The following FHIT variants were observed in gnomAD, a reference collection of about 807,000 sequenced individuals.
The protein encoded by FHIT is fragile histidine triad diadenosine triphosphatase, also known as bis(5'-adenosyl)-triphosphatase.
A neutral mutation model predicts 17.9 loss-of-function variants in FHIT; 19 were observed. The observed-to-expected ratio is 1.06, with a 90% CI of 0.74 to 1.56. The LOEUF (loss-of-function observed/expected upper bound fraction) is 1.56, where lower values mean the gene tolerates loss of function less well. FHIT is among the 40% of genes most tolerant of loss of function. The pLI is 0.00. For synonymous variants in FHIT, 81 were observed against 69.7 expected (o/e 1.16, Z -0.81); for missense variants, 248 against 189.2 (o/e 1.31, Z -1.82).
chr3:60,413,725 T>G (rs1702147762), intron 5 of FHIT, among the ~76,000 whole-genome samples: 1 of 152,034 alleles, frequency 6.6e-6, no homozygotes, highest in Non-Finnish European at 1.5e-5. Context: ...AAATTAGCTG[T>G]GAAACTGGTA....
At chr3:60,748,944 T>C (rs920171985) in intron 4 of FHIT, among the ~76,000 whole-genome samples, 5 of 152,260 alleles carry the variant, frequency 3.3e-5, no homozygotes, top group Middle Eastern at 3.2e-3. Context: ...TCAGCACAGA[T>C]GCAATTTTCT....
chr3:60,392,237 A>T (rs892066826), intron 5 of FHIT, among the ~76,000 whole-genome samples: 1 of 152,192 alleles, frequency 6.6e-6, no homozygotes, highest in African/African-American at 2.4e-5. Flanking sequence ...GAATAACATG[A>T]ATTCTGCTAA....
Position 61,239,109 on chromosome 3 carries a change from GA to G in FHIT, c.-213+12191del, listed in dbSNP as rs563030672. ...ACTCATGTTCTGGCCAAAGGGAGGG[GA>G]AAAAAAAAGTCTAGAAGTAGTGGAG... is the stretch of plus-strand genomic sequence containing the variant. On this transcript the variant is annotated intron_variant, in intron 1 of 9. Coordinates refer to ENST00000492590, the MANE Select transcript of FHIT (RefSeq NM_002012.4). Among the ~76,000 whole-genome samples the G allele has an allele frequency of 3.2e-4, 48 of 150,694 alleles. No individual in the cohort carries two copies. In the South Asian group the frequency reaches 3.8e-3, roughly 12 times the overall value.
chr3:60,823,430 C>A (rs1454332576), intron 3 of FHIT, among the ~76,000 whole-genome samples: 1 of 152,116 alleles, frequency 6.6e-6, no homozygotes, highest in African/African-American at 2.4e-5. Flanking sequence ...TACTGGAGAT[C>A]GGTGGGCAGG....
At chr3:60,628,304 T>G (rs1553681553) in intron 4 of FHIT, among the ~76,000 whole-genome samples, 1 of 152,226 alleles carries the variant, frequency 6.6e-6, no homozygotes, top group East Asian at 1.9e-4. Flanking sequence ...AGCTAGAGAA[T>G]ATACTTTATA....
At chr3:60,390,707 G>C (rs10470623) in intron 5 of FHIT, among the ~76,000 whole-genome samples, 6,313 of 151,552 alleles carry the variant, frequency 0.042, 283 homozygotes, top group African/African-American at 0.11. Flanking sequence ...TTGTGTCTTA[G>C]TCTATAACAA....
chr3:61,102,733 C>T (rs544422585), intron 2 of FHIT, among the ~76,000 whole-genome samples: 1 of 152,124 alleles, frequency 6.6e-6, no homozygotes, highest in Non-Finnish European at 1.5e-5. Context: ...ATTTCAGAGC[C>T]TGTTATTGGT....
At position 60,701,226 on chromosome 3, in the gene FHIT, T is replaced by TCAGG. The variant is rs1228704449; in HGVS notation, c.-18+120692_-18+120693insCCTG. Among the ~76,000 whole-genome samples, 10 of 151,208 alleles carry TCAGG rather than the reference T, an allele frequency of 6.6e-5. No individual in the cohort carries two copies. The East Asian group carries it at 1.8e-3, about 27-fold the overall frequency. On this transcript the variant is annotated intron_variant, in intron 4 of 9. Transcript: ENST00000492590. The stretch of plus-strand genomic sequence containing the variant: ...GCAGCCTCGACTTCCCTGGCTCTGG[T>TCAGG]GATCCTCCAACCTCAGCCTCCAAAG...
intron 5 of FHIT, among the ~76,000 whole-genome samples, chr3:60,023,325 T>C (rs1700619613): frequency 6.6e-6 from 1 of 152,174 alleles, no homozygotes; most frequent in Admixed American, 6.5e-5. Flanking sequence ...ATAAATAATT[T>C]AATAGCACCC....
At chr3:60,031,848 C>A (rs997864124) in intron 5 of FHIT, among the ~76,000 whole-genome samples, 1 of 152,134 alleles carries the variant, frequency 6.6e-6, no homozygotes, top group Non-Finnish European at 1.5e-5. Context: ...GTTATTTTTA[C>A]TAATTTTTAA....
At chr3:60,145,565 G>A (rs1172726429) in intron 5 of FHIT, among the ~76,000 whole-genome samples, 3 of 152,098 alleles carry the variant, frequency 2.0e-5, no homozygotes, top group African/African-American at 4.8e-5. Flanking sequence ...TATGACATAG[G>A]CATTCTGTTC....
rs527626156 is a variant in FHIT, at chr3:60,558,326, G to T, written c.-17-21347C>A. Among the ~76,000 whole-genome samples the T allele has an allele frequency of 4.3e-4, 66 of 152,056 alleles. No homozygotes were observed. The South Asian group carries it at 0.011, about 24-fold the overall frequency. On this transcript the variant is annotated intron_variant, in intron 4 of 9. Transcript: ENST00000492590. ...GAAACCATTCCATGGCTCAGGCCAG[G>T]GTTTCAAGCATCAATTACCCTTAGT... is the stretch of plus-strand genomic sequence containing the variant.
At chr3:60,794,059 A>C (rs2108126735) in intron 4 of FHIT, among the ~76,000 whole-genome samples, 1 of 152,278 alleles carries the variant, frequency 6.6e-6, no homozygotes, top group Non-Finnish European at 1.5e-5. Flanking sequence ...GCAGAAAAAA[A>C]ATAAAAGTCC....
chr3:60,130,100 G>A (rs1699472662), intron 5 of FHIT, among the ~76,000 whole-genome samples: 1 of 152,028 alleles, frequency 6.6e-6, no homozygotes, highest in Non-Finnish European at 1.5e-5. Flanking sequence ...CTTTCCCATG[G>A]AATCAATTCT....
intron 4 of FHIT, among the ~76,000 whole-genome samples, chr3:60,690,007 T>C (rs1716730): frequency 0.8 from 121,147 of 152,116 alleles, 49,283 homozygotes; most frequent in East Asian, 0.9. Context: ...TCTTTTGTTG[T>C]TGTTGTGGTT....
At chr3:61,115,078 T>G (rs753009100) in intron 2 of FHIT, among the ~76,000 whole-genome samples, 2 of 152,192 alleles carry the variant, frequency 1.3e-5, no homozygotes, top group Non-Finnish European at 2.9e-5. Context: ...ATATGGTAAA[T>G]CATCTGTTCA....
chr3:60,415,140 C>A (rs779604228), intron 5 of FHIT, among the ~76,000 whole-genome samples: 15 of 152,018 alleles, frequency 9.9e-5, no homozygotes, highest in African/African-American at 3.6e-4. Context: ...GGCATGGTAC[C>A]CTGTAAATGG....
chr3:60,322,704 G>A (rs567302375), intron 5 of FHIT, among the ~76,000 whole-genome samples: 14 of 152,244 alleles, frequency 9.2e-5, no homozygotes, highest in African/African-American at 2.6e-4. Context: ...AAGTACAATC[G>A]TATGATCACA....
At chr3:59,791,614 A>G (rs980514286) in intron 8 of FHIT, among the ~76,000 whole-genome samples, 5 of 152,140 alleles carry the variant, frequency 3.3e-5, no homozygotes, top group Admixed American at 1.3e-4. Context: ...TAATTTCTCT[A>G]TGTTGCAGTC....
Sources: gnomAD v4.1 joint callset for allele counts (sites outside exome capture counted in the v4.1 genomes callset) on GRCh38, gnomAD v4.1.1 for gene constraint, MANE v1.5 for transcripts, NCBI Gene and HGNC (gene_info 2026-07-23, HGNC 2026-07-21) for gene names.